The following RNF121 variants were observed in gnomAD, a reference collection of about 807,000 sequenced individuals.
RNF121 encodes the protein ring finger protein 121.
RNF121 carries 21 observed loss-of-function variants against 46.5 expected under a neutral mutation model. That is an observed-to-expected ratio of 0.45 (90% CI 0.32 to 0.65). RNF121 has a LOEUF of 0.65. RNF121 is among the 30% of genes least tolerant of loss of function. The probability of loss-of-function intolerance (pLI) is 0.04; values close to 1 mark genes in which losing one functional copy is unlikely to be tolerated. For synonymous variants in RNF121, 139 were observed against 144.7 expected (o/e 0.96, Z 0.28); for missense variants, 346 against 416.0 (o/e 0.83, Z 1.46).
chr11:71,940,414 G>A (rs924893375), intron 1 of RNF121, among the ~76,000 whole-genome samples: 2 of 152,212 alleles, frequency 1.3e-5, no homozygotes, highest in African/African-American at 4.8e-5. Context: ...TGGAGAGGGA[G>A]CCATTTGAGT....
At chr11:71,993,709 G>A (rs1174234373) in intron 6 of RNF121, among the ~76,000 whole-genome samples, 5 of 152,068 alleles carry the variant, frequency 3.3e-5, no homozygotes, top group East Asian at 3.9e-4. Flanking sequence ...GGTTTATACC[G>A]AGAATGGAAT....
At chr11:71,971,121 T>C (rs1181473502) in intron 3 of RNF121, among the ~76,000 whole-genome samples, 1 of 152,162 alleles carries the variant, frequency 6.6e-6, no homozygotes, top group Non-Finnish European at 1.5e-5. Flanking sequence ...TGGTGACTCA[T>C]GCCTGTAATC....
chr11:71,980,118 T>G (rs1954616581), intron 3 of RNF121, among the ~76,000 whole-genome samples: 1 of 152,192 alleles, frequency 6.6e-6, no homozygotes, highest in African/African-American at 2.4e-5. Context: ...TACATCCTGG[T>G]GCTTCCACAC....
intron 1 of RNF121, among the ~76,000 whole-genome samples, chr11:71,933,721 A>G (rs1054637301): frequency 6.6e-6 from 1 of 152,190 alleles, no homozygotes; most frequent in Non-Finnish European, 1.5e-5. Flanking sequence ...CTAGACTGTA[A>G]GCTTCGTGAG....
intron 4 of RNF121, among the ~76,000 whole-genome samples, chr11:71,985,435 G>T (rs560162004): frequency 6.6e-6 from 1 of 152,272 alleles, no homozygotes; most frequent in South Asian, 2.1e-4. Flanking sequence ...TCCATATTGA[G>T]TTTTTTGACC....
intron 1 of RNF121, among the ~76,000 whole-genome samples, chr11:71,938,194 T>A (rs1953466198): frequency 1.3e-5 from 2 of 152,218 alleles, no homozygotes; most frequent in Admixed American, 1.3e-4. Flanking sequence ...CCTCTGAGCT[T>A]GTCATTTAGT....
intron 3 of RNF121, among the ~76,000 whole-genome samples, chr11:71,975,013 T>A (rs559968505): frequency 2.0e-5 from 3 of 152,328 alleles, no homozygotes; most frequent in South Asian, 4.1e-4. Flanking sequence ...CATCCTATTT[T>A]TGAAGTTCTC....
chr11:71,997,046 G>C lies in RNF121; in HGVS notation c.*731G>C, dbSNP rs1248705998. ...AGGGCTGTGGTCAGCCAAGAATAGA[G>C]GTCATATAGTTGGGCCATGGGGCAA... On this transcript the variant is annotated 3_prime_UTR_variant, in exon 9 of 9. Transcript: ENST00000361756. 1.3e-5 allele frequency: 2 copies of C among 152,268 alleles called. No homozygotes were observed. The highest frequency in any genetic ancestry group is 1.3e-4 in the Admixed American group (2 of 15,292). 9.4% of individuals were successfully genotyped at this position (152,268 alleles called of 1,614,324 possible).
At chr11:71,940,127 T>C (rs1482745329) in intron 1 of RNF121, among the ~76,000 whole-genome samples, 1 of 152,238 alleles carries the variant, frequency 6.6e-6, no homozygotes, top group African/African-American at 2.4e-5. Context: ...ATGAAGTCTC[T>C]AATCCTTGAG....
chr11:71,974,003 G>A (rs1488779442), intron 3 of RNF121, among the ~76,000 whole-genome samples: 1 of 152,058 alleles, frequency 6.6e-6, no homozygotes, highest in African/African-American at 2.4e-5. Context: ...CTGCAGTGGC[G>A]CTATCTCGGC....
chr11:71,983,053 C>A, intron 4 of RNF121, 138 bp downstream of exon 4: 1 of 684,478 alleles, frequency 1.5e-6, no homozygotes, highest in Non-Finnish European at 2.2e-6. Flanking sequence ...CTCTCTAAAA[C>A]AAGCTGATTG....
intron 4 of RNF121, among the ~76,000 whole-genome samples, chr11:71,986,500 G>C (rs1395397385): frequency 6.6e-6 from 1 of 152,218 alleles, no homozygotes; most frequent in African/African-American, 2.4e-5. Flanking sequence ...GGGTGTGGTG[G>C]CTCACGCCTA....
At chr11:71,990,916 G>A (rs994666858) in intron 6 of RNF121, 199 bp downstream of exon 6, 17 of 640,154 alleles carry the variant, frequency 2.7e-5, no homozygotes, top group African/African-American at 1.6e-4. Flanking sequence ...AACCATGTGC[G>A]TTGCAGCAAC....
Position 71,931,292 on chromosome 11 carries a change from A to G in RNF121, c.63+2168A>G, listed in dbSNP as rs190742724. ...TGAAACCACTAGCATTCATTCCAGG[A>G]ACCTTGTTACTTGTTTCATTTCCTG... On this transcript the variant is annotated intron_variant, in intron 1 of 8. Transcript: ENST00000361756. Among the ~76,000 whole-genome samples, 9 of 152,290 alleles carry G rather than the reference A, an allele frequency of 5.9e-5. No individual in the cohort carries two copies. The East Asian group carries it at 1.7e-3, about 29-fold the overall frequency.
At position 71,966,387 on chromosome 11, in the gene RNF121, C is replaced by G. The variant is rs372328505; in HGVS notation, c.243+5496C>G. Among the ~76,000 whole-genome samples the G allele has an allele frequency of 2.6e-5, 4 of 152,322 alleles. No homozygotes were observed. In the South Asian group the frequency reaches 8.3e-4, roughly 32 times the overall value. On this transcript the variant is annotated intron_variant, in intron 3 of 8. Coordinates refer to ENST00000361756, the MANE Select transcript of RNF121 (RefSeq NM_018320.5). The stretch of plus-strand genomic sequence containing the variant: ...AAAGTCAGATAGTTCTACAAGACTT[C>G]AGAAGCAAAACACATTGGTCCCCTG...
At chr11:71,974,011 G>A (rs867783188) in intron 3 of RNF121, among the ~76,000 whole-genome samples, 63 of 152,128 alleles carry the variant, frequency 4.1e-4, no homozygotes, top group African/African-American at 1.4e-3. Context: ...GCGCTATCTC[G>A]GCTCACTGCA....
At chr11:71,947,317 ATCT>A (rs1410825311) in intron 1 of RNF121, among the ~76,000 whole-genome samples, 2 of 152,044 alleles carry the variant, frequency 1.3e-5, no homozygotes, top group Non-Finnish European at 2.9e-5. Flanking sequence ...TAGAGACCTC[ATCT>A]TTACAGAAAA....
intron 3 of RNF121, among the ~76,000 whole-genome samples, chr11:71,963,480 C>T (rs969011815): frequency 2.0e-5 from 3 of 151,982 alleles, no homozygotes; most frequent in Admixed American, 6.6e-5. Flanking sequence ...AATAGCTGGG[C>T]GTGGTGGCAC....
intron 1 of RNF121, among the ~76,000 whole-genome samples, chr11:71,941,552 A>G (rs1394091284): frequency 6.6e-6 from 1 of 152,234 alleles, no homozygotes; most frequent in African/African-American, 2.4e-5. Flanking sequence ...AATAAACAGG[A>G]TAACTCCAGA....
Sources: allele counts gnomAD v4.1 joint callset (sites outside exome capture counted in the v4.1 genomes callset), GRCh38; gene constraint gnomAD v4.1.1; transcripts MANE v1.5; gene names NCBI Gene and HGNC (gene_info 2026-07-23, HGNC 2026-07-21).